CNTNAP2: variants seen among roughly 807,000 people sequenced by gnomAD.
CNTNAP2 encodes the protein contactin associated protein 2, also known as contactin-associated protein-like 2.
A neutral mutation model predicts 155.2 loss-of-function variants in CNTNAP2; 98 were observed. That is an observed-to-expected ratio of 0.63 (90% CI 0.54 to 0.75). The LOEUF (loss-of-function observed/expected upper bound fraction) is 0.75. CNTNAP2 is among the 30% of genes least tolerant of loss of function. CNTNAP2 has a pLI of 0.00. For missense variants in CNTNAP2, 1,727 were observed against 1,688.1 expected (o/e 1.02, Z -0.40); for synonymous variants, 651 against 631.2 (o/e 1.03, Z -0.47).
chr7:146,535,225 T>TATATC (rs1198851841), intron 1 of CNTNAP2, among the ~76,000 whole-genome samples: 1 of 20,332 alleles, frequency 4.9e-5, no homozygotes, highest in South Asian at 1.8e-3. Flanking sequence ...TATTATATCA[T>TATATC]ATATATTATA....
intron 3 of CNTNAP2, among the ~76,000 whole-genome samples, chr7:146,874,650 T>C (rs1261085765): frequency 6.6e-6 from 1 of 152,040 alleles, no homozygotes; most frequent in East Asian, 1.9e-4. Context: ...CATGTTTCTT[T>C]TTATAACAGA....
chr7:146,344,715 G>C (rs1035521944), intron 1 of CNTNAP2, among the ~76,000 whole-genome samples: 25 of 152,202 alleles, frequency 1.6e-4, no homozygotes, highest in African/African-American at 5.8e-4. Flanking sequence ...CTGACCTAAG[G>C]GATCAGCCCA....
intron 1 of CNTNAP2, among the ~76,000 whole-genome samples, chr7:146,584,937 T>A (rs1301819099): frequency 6.6e-6 from 1 of 152,128 alleles, no homozygotes; most frequent in Non-Finnish European, 1.5e-5. Flanking sequence ...AGGGCACTGA[T>A]GAGGCATCAA....
chr7:147,581,153 A>G (rs1215407236), intron 12 of CNTNAP2, among the ~76,000 whole-genome samples: 1 of 152,208 alleles, frequency 6.6e-6, no homozygotes, highest in Non-Finnish European at 1.5e-5. Context: ...AGGAGAGTGG[A>G]AACTAGCTTT....
chr7:147,143,239 A>G (rs866358087), intron 8 of CNTNAP2, among the ~76,000 whole-genome samples: 4 of 152,124 alleles, frequency 2.6e-5, no homozygotes, highest in Non-Finnish European at 5.9e-5. Flanking sequence ...CCTCCTGATT[A>G]CAATTTCAAA....
At chr7:147,285,805 A>G (rs1379342716) in intron 8 of CNTNAP2, among the ~76,000 whole-genome samples, 2 of 151,990 alleles carry the variant, frequency 1.3e-5, no homozygotes, top group Non-Finnish European at 2.9e-5. Flanking sequence ...GGACCAATAG[A>G]GTTTTAATGG....
At chr7:148,228,612 C>T (rs775963220) in intron 19 of CNTNAP2, among the ~76,000 whole-genome samples, 15 of 151,822 alleles carry the variant, frequency 9.9e-5, no homozygotes, top group South Asian at 2.1e-4. Context: ...TGACGAGGTC[C>T]GGAGATCGAG....
At chr7:147,912,471 T>G (rs112293480) in intron 14 of CNTNAP2, among the ~76,000 whole-genome samples, 5,636 of 152,244 alleles carry the variant, frequency 0.037, 180 homozygotes, top group Middle Eastern at 0.061. Context: ...CTGATGCCCT[T>G]ATGGAGAGAT....
intron 8 of CNTNAP2, among the ~76,000 whole-genome samples, chr7:147,183,624 G>A (rs780281573): frequency 2.0e-5 from 3 of 152,152 alleles, no homozygotes; most frequent in African/African-American, 7.2e-5. Context: ...TAACAAAATA[G>A]TGTGAAAGCA....
intron 10 of CNTNAP2, among the ~76,000 whole-genome samples, chr7:147,478,277 C>T (rs1322472908): frequency 6.6e-6 from 1 of 152,016 alleles, no homozygotes; most frequent in Admixed American, 6.6e-5. Flanking sequence ...CTCACCCTCC[C>T]AAGTAGCTGG....
intron 9 of CNTNAP2, among the ~76,000 whole-genome samples, chr7:147,312,516 GT>G (rs1161530930): frequency 8.1e-6 from 1 of 123,678 alleles, no homozygotes; most frequent in Admixed American, 8.6e-5. Context: ...GTGGTGTTCA[GT>G]TTTTTGTCCT....
chr7:147,466,928 T>C (rs1339434227), intron 10 of CNTNAP2, among the ~76,000 whole-genome samples: 2 of 152,182 alleles, frequency 1.3e-5, no homozygotes, highest in South Asian at 4.2e-4. Flanking sequence ...TCAAAAATAA[T>C]AATAATAATA....
chr7:147,482,720 CAATAAATAAATAAATAAATAAATA>C (rs71527814), intron 10 of CNTNAP2, among the ~76,000 whole-genome samples: 24 of 138,314 alleles, frequency 1.7e-4, no homozygotes, highest in South Asian at 1.2e-3. Context: ...GATTCCGTCT[CAATAAATAAATAAATAAATAAATA>C]AATAAATAAA....
At chr7:146,665,440 CTG>C (rs2129166917) in intron 1 of CNTNAP2, among the ~76,000 whole-genome samples, 1 of 141,606 alleles carries the variant, frequency 7.1e-6, no homozygotes, top group East Asian at 2.1e-4. Flanking sequence ...ATTTAGAAGT[CTG>C]TTCTGTAATT....
intron 9 of CNTNAP2, among the ~76,000 whole-genome samples, chr7:147,347,493 CAT>C (rs1311432350): frequency 2.4e-5 from 2 of 82,846 alleles, no homozygotes; most frequent in Admixed American, 1.2e-4. Context: ...TATATATATG[CAT>C]ATATATGTGT....
chr7:147,636,606 C>T (rs1795184986), intron 12 of CNTNAP2, among the ~76,000 whole-genome samples: 1 of 152,032 alleles, frequency 6.6e-6, no homozygotes, highest in Admixed American at 6.6e-5. Flanking sequence ...CCCTGCACCC[C>T]CCAACAAGCC....
At chr7:147,446,204 T>TC (rs1212475076) in intron 10 of CNTNAP2, among the ~76,000 whole-genome samples, 4 of 149,154 alleles carry the variant, frequency 2.7e-5, no homozygotes, top group African/African-American at 4.9e-5. Flanking sequence ...TCCTCTCTCC[T>TC]CCCCCCACCC....
intron 3 of CNTNAP2, among the ~76,000 whole-genome samples, chr7:146,947,380 C>G (rs997755366): frequency 2.3e-5 from 3 of 129,830 alleles, no homozygotes; most frequent in Non-Finnish European, 3.2e-5. Context: ...AGTTCCTTCT[C>G]TCTTTCTCTC....
At chr7:147,322,499 G>A (rs1269663917) in intron 9 of CNTNAP2, among the ~76,000 whole-genome samples, 1 of 152,004 alleles carries the variant, frequency 6.6e-6, no homozygotes, top group South Asian at 2.1e-4. Context: ...GGATATTTTT[G>A]CATCAGTGTT....
Sources: allele counts gnomAD v4.1 joint callset (sites outside exome capture counted in the v4.1 genomes callset), GRCh38; gene constraint gnomAD v4.1.1; transcripts MANE v1.5; gene names NCBI Gene and HGNC (gene_info 2026-07-23, HGNC 2026-07-21).